The following EVC variants were observed in gnomAD, a reference collection of about 807,000 sequenced individuals.
EVC encodes the protein EvC ciliary complex subunit 1.
Under a neutral mutation model 118.9 loss-of-function variants are expected in EVC, and 116 were observed. The ratio of observed to expected loss-of-function variants is 0.98; its 90% CI spans 0.84 to 1.14. The LOEUF is 1.14. Among genes scored for constraint, EVC ranks in the 50% most tolerant of loss-of-function variants. The pLI is 0.00. For synonymous variants in EVC, 619 were observed against 534.7 expected, an observed-to-expected ratio of 1.16 and a Z score of -2.18; for missense variants, 1,401 against 1,246.4, an observed-to-expected ratio of 1.12 and a Z score of -1.87.
Position 5,737,612 on chromosome 4 carries a change from A to G in EVC, c.703-4104A>G, listed in dbSNP as rs1192461479. 6.6e-6 allele frequency among the ~76,000 whole-genome samples: 1 copy of G among 152,216 alleles called. No homozygotes were observed. The highest frequency in any genetic ancestry group is 1.5e-5 in the Non-Finnish European group (1 of 68,040). ...CACTCCGAAAGTCCTAGGGCCCTTA[A>G]GGGTGATGCTAAATCTACTCTGCCT... On this transcript the variant is annotated intron_variant, in intron 5 of 20. Coordinates refer to ENST00000264956, the MANE Select transcript of EVC (RefSeq NM_153717.3). This position sits in a 1 kb window ranked among gnomAD's most constrained non-coding sequence, Gnocchi z 5.0.
At position 5,801,945 on chromosome 4, in the gene EVC, C is replaced by G. The variant is rs760071065; in HGVS notation, c.2305-5C>G. ...GCTGTCCCTGTCCTTCCTTTCTTCC[C>G]TCAGAGGACACTGATGGAGGCGGCA... On this transcript the variant is annotated splice_polypyrimidine_tract_variant and splice_region_variant and intron_variant, in intron 15 of 20. Coordinates refer to ENST00000264956, the MANE Select transcript of EVC (RefSeq NM_153717.3). 4 of 1,612,886 alleles carry G rather than the reference C, an allele frequency of 2.5e-6. No homozygotes were observed. Among genetic ancestry groups the G allele is most frequent in the Admixed American group, 3.3e-5 (2 of 59,984 alleles).
At chr4:5,782,653 G>T (rs956656761) in intron 11 of EVC, among the ~76,000 whole-genome samples, 3 of 151,824 alleles carry the variant, frequency 2.0e-5, no homozygotes, top group Admixed American at 1.3e-4. Context: ...ATATTGGGGT[G>T]GGGGAGCGGG....
intron 15 of EVC, among the ~76,000 whole-genome samples, chr4:5,799,813 C>T (rs868013037): frequency 1.3e-5 from 2 of 152,220 alleles, no homozygotes; most frequent in South Asian, 2.1e-4. Flanking sequence ...CTGTCTTATT[C>T]TAAATATCTC....
rs527686847 is a variant in EVC, at chr4:5,760,002, G to A, written c.1563+3640G>A. Reference sequence around the variant, plus strand: ...ACAGGAAGACTCCAAGCGGGAAGTGGGCTTCCAAATCACAGGTAGGCAAGA... The same window carrying A: ...ACAGGAAGACTCCAAGCGGGAAGTGAGCTTCCAAATCACAGGTAGGCAAGA... On this transcript the variant is annotated intron_variant, in intron 11 of 20. Coordinates refer to ENST00000264956, the MANE Select transcript of EVC (RefSeq NM_153717.3). 2.6e-5 allele frequency among the ~76,000 whole-genome samples: 4 copies of A among 152,104 alleles called. No homozygotes were observed. The South Asian group carries it at 8.3e-4, about 32-fold the overall frequency.
chr4:5,817,461 A>G (rs1717890838), downstream of EVC, among the ~76,000 whole-genome samples: 1 of 152,194 alleles, frequency 6.6e-6, no homozygotes, highest in Non-Finnish European at 1.5e-5. Context: ...TCCTCTTGGG[A>G]ACAGACTACC....
At chr4:5,758,312 C>T (rs1475648860) in intron 11 of EVC, 1 of 557,704 alleles carries the variant, frequency 1.8e-6, no homozygotes, top group Non-Finnish European at 3.2e-6. Flanking sequence ...TCTTAATGCA[C>T]CCAGTTTGCG....
At chr4:5,718,936 A>G (rs867162289) in intron 1 of EVC, among the ~76,000 whole-genome samples, 1 of 152,210 alleles carries the variant, frequency 6.6e-6, no homozygotes, top group African/African-American at 2.4e-5. Flanking sequence ...TCCCCAACCT[A>G]GAAGAAAAAT....
intron 2 of EVC, among the ~76,000 whole-genome samples, chr4:5,720,098 CTGGGTGAGCCCCG>C (rs1446636319): frequency 1.3e-5 from 2 of 152,210 alleles, no homozygotes; most frequent in African/African-American, 4.8e-5. Flanking sequence ...ACATCGCTTT[CTGGGTGAGCCCCG>C]TGGGTGGAGA....
chr4:5,777,674 T>C (rs1734905106), intron 11 of EVC, among the ~76,000 whole-genome samples: 1 of 152,200 alleles, frequency 6.6e-6, no homozygotes, highest in African/African-American at 2.4e-5. Context: ...CCAAGTTATC[T>C]GGTTAGCCAT....
chr4:5,714,299 A>T (rs1400936683), intron 1 of EVC, among the ~76,000 whole-genome samples: 1 of 152,014 alleles, frequency 6.6e-6, no homozygotes, highest in Non-Finnish European at 1.5e-5. Context: ...TTGTTATTTT[A>T]ACTTATTTCA....
intron 12 of EVC, among the ~76,000 whole-genome samples, chr4:5,787,890 G>A (rs1005820594): frequency 2.0e-5 from 3 of 152,088 alleles, no homozygotes; most frequent in Non-Finnish European, 4.4e-5. Context: ...CCTCTGTGCC[G>A]AGCTTTCAGG....
At position 5,810,788 on chromosome 4, in the gene EVC, A is replaced by C. The variant is rs552661715; in HGVS notation, c.2895-165A>C. On this transcript the variant is annotated intron_variant, in intron 20 of 20. Transcript: ENST00000264956. ...TGGCACTTGGATGACCTCCTACCCA[A>C]GGAGGGAAACGGGTTTTATTGGTTT... Among the ~76,000 whole-genome samples, 5 of 152,266 alleles carry C rather than the reference A, an allele frequency of 3.3e-5. No individual in the cohort carries two copies. The East Asian group carries it at 9.6e-4, about 29-fold the overall frequency.
chr4:5,726,036 C>T (rs1174563004), intron 2 of EVC, among the ~76,000 whole-genome samples: 1 of 152,180 alleles, frequency 6.6e-6, no homozygotes, highest in Non-Finnish European at 1.5e-5. Context: ...GCAGCTCTTC[C>T]TGGAGAGGTA....
intron 13 of EVC, among the ~76,000 whole-genome samples, chr4:5,794,767 A>G (rs568467299): frequency 1.3e-5 from 2 of 152,168 alleles, no homozygotes; most frequent in South Asian, 4.1e-4. Context: ...CTTTTATTTT[A>G]GATTCAGAGG....
At chr4:5,824,733 A>T in the EVC span, 1 of 985,162 alleles carries the variant, frequency 1.0e-6, no homozygotes, top group Non-Finnish European at 1.2e-6. Flanking sequence ...GCCTTCTAAG[A>T]AAAAAAATCA....
At position 5,749,160 on chromosome 4, in the gene EVC, A is replaced by T. The variant is rs746576751; in HGVS notation, c.1098+854A>T. Among the ~76,000 whole-genome samples the T allele has an allele frequency of 1.3e-5, 2 of 151,906 alleles. No individual in the cohort carries two copies. The highest frequency in any genetic ancestry group is 2.9e-5 in the Non-Finnish European group (2 of 67,966). ...TGAGGTTCTAATATGATTGGTCTGG[A>T]GTGGAGGCCCTGGCATTGTGGGTTT... On this transcript the variant is annotated intron_variant, in intron 8 of 20. Coordinates refer to ENST00000264956, the MANE Select transcript of EVC (RefSeq NM_153717.3). This position sits in a 1 kb window ranked among gnomAD's most constrained non-coding sequence, Gnocchi z 4.4.
chr4:5,736,928 A>G (rs1313220916), intron 5 of EVC, among the ~76,000 whole-genome samples: 1 of 152,194 alleles, frequency 6.6e-6, no homozygotes, highest in African/African-American at 2.4e-5. Context: ...TTTTAAGTCA[A>G]AAGCTAGAAA....
In EVC at chr4:5,752,860, C is replaced by T. The variant is rs368492656; in HGVS notation, c.1123C>T (p.Arg375Trp). 8.7e-6 allele frequency: 14 copies of T among 1,614,040 alleles called. No individual in the cohort carries two copies. The highest frequency in any genetic ancestry group is 6.7e-5 in the Admixed American group (4 of 60,014). ...ALDALERTMGRAHMAKVIEFL... is the reference protein window; with the variant it reads ...ALDALERTMGWAHMAKVIEFL... The stretch of plus-strand genomic sequence containing the variant: ...GGACGCCCTGGAGAGGACGATGGGG[C>T]GGGCGCACATGGCAAAAGTGATTGA... Residue 375 changes from arginine (R) to tryptophan (W), a missense_variant, in exon 9 of 21, where the codon CGG (arginine) becomes TGG (tryptophan). Transcript: ENST00000264956.
intron 15 of EVC, among the ~76,000 whole-genome samples, chr4:5,800,338 C>G (rs1002173840): frequency 1.3e-5 from 2 of 152,184 alleles, no homozygotes; most frequent in African/African-American, 4.8e-5. Context: ...TAGCTAGACT[C>G]TGTCTAAAAA....
Sources: allele counts gnomAD v4.1 joint callset (sites outside exome capture counted in the v4.1 genomes callset), GRCh38; gene constraint gnomAD v4.1.1; non-coding constraint Gnocchi (gnomAD v3.1); transcripts MANE v1.5; gene names NCBI Gene and HGNC (gene_info 2026-07-23, HGNC 2026-07-21).